Variants in RANGAP1 observed in about 807,000 individuals in gnomAD.
RANGAP1 encodes the protein ran GTPase-activating protein 1.
A neutral mutation model predicts 63.5 loss-of-function variants in RANGAP1; 38 were observed. That is an observed-to-expected ratio of 0.60 (90% CI 0.46 to 0.78). The LOEUF (loss-of-function observed/expected upper bound fraction) is 0.78, where lower values mean the gene tolerates loss of function less well. Among genes scored for constraint, RANGAP1 ranks in the 30% least tolerant of loss-of-function variants. The pLI, the probability that RANGAP1 is intolerant of heterozygous loss-of-function variation, is 0.00. For missense variants in RANGAP1, 630 were observed against 740.3 expected (o/e 0.85, Z 1.73); for synonymous variants, 329 against 310.5 (o/e 1.06, Z -0.63).
Position 41,261,544 on chromosome 22 carries a change from AT to A in RANGAP1, c.516del (p.Lys172AsnfsTer11), listed in dbSNP as rs781459875. 5.6e-6 allele frequency: 9 copies of A among 1,614,196 alleles called. No individual in the cohort carries two copies. Among genetic ancestry groups the A allele is most frequent in the Non-Finnish European group, 6.8e-6 (8 of 1,180,042 alleles). On this transcript the variant is annotated frameshift_variant, in exon 6 of 16. Transcript: ENST00000356244. LOFTEE classifies it high-confidence loss of function. ...GCCAGAGGCTTGCCTTGGGCACTGGATTTCCGGTGACATTCGGTCAGAGCTG... is the reference window on the plus strand; with the variant it reads ...GCCAGAGGCTTGCCTTGGGCACTGGATTCCGGTGACATTCGGTCAGAGCTG... ...LAAALTECHR[K>X]SSAQGKPLAL... is the part of the protein sequence containing the mutation.
chr22:41,247,579 C>T lies in RANGAP1; in HGVS notation c.1695-907G>A, dbSNP rs574141870. The stretch of plus-strand genomic sequence containing the variant: ...GTTGCCCAGGCTGGCCTTGAACTCC[C>T]GGGCTCAAGTGATCCAGTTGCCTCA... On this transcript the variant is annotated intron_variant, in intron 15 of 15. Coordinates refer to ENST00000356244, the MANE Select transcript of RANGAP1 (RefSeq NM_002883.4). Among the ~76,000 whole-genome samples, 15 of 152,300 alleles carry T rather than the reference C, an allele frequency of 9.8e-5. No individual in the cohort carries two copies. In the South Asian group the frequency reaches 2.5e-3, roughly 25 times the overall value.
Position 41,280,974 on chromosome 22 carries a change from C to T in RANGAP1, c.71G>A (p.Ser24Asn). Reference protein sequence around the residue: ...AKTQVAGGQLSFKGKSLKLNT... With the variant: ...AKTQVAGGQLNFKGKSLKLNT... Reference sequence around the variant, plus strand: ...GAGTTTGAGGCTCTTGCCTTTGAAACTCAGCTGTCCCCCGGCCACCTGAGT... The same window carrying T: ...GAGTTTGAGGCTCTTGCCTTTGAAATTCAGCTGTCCCCCGGCCACCTGAGT... The change falls in exon 2 of 16, where the codon AGT becomes AAT. Residue 24 changes from serine (S) to asparagine (N), a missense_variant. By Grantham distance (46) the Ser-to-Asn change is conservative. Around this residue, in one of 3 missense-constraint regions of RANGAP1, gnomAD observed 65 missense variants for 60.5 expected, o/e 1.07. Coordinates refer to ENST00000356244, the MANE Select transcript of RANGAP1 (RefSeq NM_002883.4). 6.2e-7 allele frequency: 1 copy of T among 1,613,928 alleles called. No homozygotes were observed. Among genetic ancestry groups the T allele is most frequent in the South Asian group, 1.1e-5 (1 of 91,076 alleles).
intron 1 of RANGAP1, among the ~76,000 whole-genome samples, chr22:41,284,238 C>T (rs1293379065): frequency 6.6e-6 from 1 of 151,038 alleles, no homozygotes; most frequent in Non-Finnish European, 1.5e-5. Flanking sequence ...CAGAGCGAGA[C>T]TCACCTCAAA....
At chr22:41,276,615 G>C (rs1278256972) in intron 2 of RANGAP1, among the ~76,000 whole-genome samples, 3 of 151,996 alleles carry the variant, frequency 2.0e-5, no homozygotes, top group Admixed American at 6.6e-5. Context: ...CTAATCCCTG[G>C]GCAACAAGAG....
intron 1 of RANGAP1, chr22:41,282,007 C>G (rs1304319151): frequency 2.0e-5 from 3 of 152,110 alleles, no homozygotes; most frequent in Non-Finnish European, 4.4e-5. Context: ...ACCAGTAATC[C>G]CAGCCACTGG....
At position 41,246,447 on chromosome 22, in the gene RANGAP1, C is replaced by G. The variant is rs1229362019; in HGVS notation, c.*156G>C. ...GACCTGCACATGCGCCACACCCACA[C>G]ACATACTCAGGGGACTGACAGGACA... On this transcript the variant is annotated 3_prime_UTR_variant, in exon 16 of 16. Coordinates refer to ENST00000356244, the MANE Select transcript of RANGAP1 (RefSeq NM_002883.4). The G allele has an allele frequency of 2.7e-6, 2 of 742,634 alleles. No homozygotes were observed. Among genetic ancestry groups the G allele is most frequent in the Admixed American group, 5.3e-5 (2 of 37,834 alleles). The allele number at this position is 742,634 out of a possible 1,614,324, so 46.0% of individuals were successfully genotyped here. A position where few individuals can be genotyped will look rare whatever the true frequency, so the allele number is the denominator to read the frequency against.
In RANGAP1 at chr22:41,274,646, G is replaced by A; in HGVS notation, c.194C>T (p.Ala65Val). The A allele has an allele frequency of 6.2e-7, 1 of 1,614,188 alleles. No homozygotes were observed. Among genetic ancestry groups the A allele is most frequent in the Non-Finnish European group, 8.5e-7 (1 of 1,180,020 alleles). ...RLEGNTVGVE[A>V]ARVIAKALEK... is the part of the protein sequence containing the mutation. The stretch of plus-strand genomic sequence containing the variant: ...TAAGGCCTTGGCGATGACCCTGGCT[G>A]CTTCCACGCCCACTGTGTTGCCTTC... The change falls in exon 3 of 16, where the codon GCA (alanine) becomes GTA (valine). Residue 65 changes from alanine (A) to valine (V), a missense_variant. This residue lies in a region of RANGAP1 where 137 missense variants were observed against 214.3 expected (regional missense o/e 0.64). Coordinates refer to ENST00000356244, the MANE Select transcript of RANGAP1 (RefSeq NM_002883.4).
intron 15 of RANGAP1, 73 bp downstream of exon 15, chr22:41,249,257 A>G (rs1238529422): frequency 6.7e-7 from 1 of 1,503,506 alleles, no homozygotes; most frequent in South Asian, 1.3e-5. Context: ...GCCTCCCGGA[A>G]CCGGGCGCCT....
intron 3 of RANGAP1, among the ~76,000 whole-genome samples, chr22:41,273,707 C>T (rs1251640706): frequency 7.5e-6 from 1 of 134,134 alleles, no homozygotes; most frequent in Non-Finnish European, 1.5e-5. Flanking sequence ...GTGGAGGTTG[C>T]AGCAAGCCAA....
chr22:41,263,326 G>A (rs1278301140), intron 5 of RANGAP1, among the ~76,000 whole-genome samples: 1 of 152,202 alleles, frequency 6.6e-6, no homozygotes, highest in Non-Finnish European at 1.5e-5. Flanking sequence ...ACTCTAGGTT[G>A]GGCCACGCCT....
At chr22:41,297,217 A>G in the RANGAP1 span, among the ~76,000 whole-genome samples, 1 of 152,204 alleles carries the variant, frequency 6.6e-6, no homozygotes, top group Non-Finnish European at 1.5e-5. Flanking sequence ...CTCTCAAAAA[A>G]AGAAAGCAAA....
chr22:41,268,221 A>T, intron 3 of RANGAP1, 65 bp from the exon 4 acceptor site: 1 of 1,313,904 alleles, frequency 7.6e-7, no homozygotes, highest in Non-Finnish European at 1.1e-6. Context: ...GTGAAGCCTC[A>T]TCCTGGTGGA....
In RANGAP1 at chr22:41,256,247, A is replaced by C. The variant is rs1367206596; in HGVS notation, c.932T>G (p.Leu311Arg). 4 of 1,614,052 alleles carry C rather than the reference A, an allele frequency of 2.5e-6. No homozygotes were observed. The highest frequency in any genetic ancestry group is 3.4e-6 in the Non-Finnish European group (4 of 1,180,042). ...GTCTGCCATGGCCTCAGCAACAGCC[A>C]GGGCAGCATCCCTCTTGATTTCACA... ...SFCEIKRDAA[L>R]AVAEAMADKA... Residue 311 changes from leucine (L) to arginine (R), a missense_variant, in exon 9 of 16, where the codon CTG becomes CGG. Leu to Arg is a moderately radical substitution (Grantham distance 102, BLOSUM62 -2). Coordinates refer to ENST00000356244, the MANE Select transcript of RANGAP1 (RefSeq NM_002883.4).
At chr22:41,274,786 G>A (rs769796091) in intron 2 of RANGAP1, 59 bp from the exon 3 acceptor site, 4 of 1,600,780 alleles carry the variant, frequency 2.5e-6, no homozygotes, top group Non-Finnish European at 3.4e-6. Flanking sequence ...GCTAAGATAG[G>A]AGAGAGGTTG....
At chr22:41,246,700 G>A (rs539905125) in intron 15 of RANGAP1, 28 bp from the exon 16 acceptor site, 24 of 1,522,094 alleles carry the variant, frequency 1.6e-5, no homozygotes, top group Admixed American at 5.8e-5. Flanking sequence ...TCAGCAGGTC[G>A]GTGGATGCCT....
chr22:41,287,395 G>C (rs1040103995), upstream of RANGAP1, among the ~76,000 whole-genome samples: 2 of 77,140 alleles, frequency 2.6e-5, no homozygotes, highest in African/African-American at 4.6e-5. Flanking sequence ...TTTTTTTTTT[G>C]AGATGGAGTT....
At chr22:41,292,085 T>C in the RANGAP1 span, among the ~76,000 whole-genome samples, 1 of 151,256 alleles carries the variant, frequency 6.6e-6, no homozygotes, top group African/African-American at 2.4e-5. Context: ...TACTGACACG[T>C]GCCACCATGC....
At chr22:41,271,685 TC>T (rs368550708) in intron 3 of RANGAP1, among the ~76,000 whole-genome samples, 24 of 142,592 alleles carry the variant, frequency 1.7e-4, no homozygotes, top group African/African-American at 6.3e-4. Flanking sequence ...AGAGCGAGAC[TC>T]CGTCTCAAAA....
At chr22:41,262,999 C>A (rs1329165352) in intron 5 of RANGAP1, among the ~76,000 whole-genome samples, 1 of 152,208 alleles carries the variant, frequency 6.6e-6, no homozygotes, top group East Asian at 1.9e-4. Flanking sequence ...GGCGTCTGAG[C>A]TCCCAAGAGG....
Sources: allele counts gnomAD v4.1 joint callset (sites outside exome capture counted in the v4.1 genomes callset), GRCh38; gene constraint gnomAD v4.1.1; regional missense constraint gnomAD v4.1.1; transcripts MANE v1.5; gene names NCBI Gene and HGNC (gene_info 2026-07-23, HGNC 2026-07-21).